The following MYOM2 variants were observed in gnomAD, a reference collection of about 807,000 sequenced individuals.
MYOM2 encodes myomesin-2.
MYOM2 carries 254 observed loss-of-function variants against 187.6 expected under a neutral mutation model. The ratio of observed to expected loss-of-function variants is 1.35; its 90% CI spans 1.22 to 1.50. The LOEUF is 1.50. MYOM2 is among the 40% of genes most tolerant of loss of function. MYOM2 has a pLI of 0.00. For missense variants in MYOM2, 2,796 were observed against 1,924.0 expected, an observed-to-expected ratio of 1.45 and a Z score of -8.48; for synonymous variants, 981 against 753.8, an observed-to-expected ratio of 1.30 and a Z score of -4.94.
chr8:2,123,872 C>G (rs1229035833), intron 30 of MYOM2, among the ~76,000 whole-genome samples: 1 of 152,174 alleles, frequency 6.6e-6, no homozygotes, highest in Non-Finnish European at 1.5e-5. Context: ...TCATTTCGGT[C>G]CATCATCAGA....
intron 21 of MYOM2, among the ~76,000 whole-genome samples, chr8:2,103,694 T>C (rs562529901): frequency 1.3e-5 from 2 of 149,158 alleles, no homozygotes; most frequent in African/African-American, 5.0e-5. Context: ...GATAAATGAG[T>C]GGGAGAGTGT....
At chr8:2,059,742 C>CT (rs60345808) in intron 6 of MYOM2, among the ~76,000 whole-genome samples, 93,277 of 131,060 alleles carry the variant, frequency 0.71, 34,081 homozygotes, top group East Asian at 0.95. Flanking sequence ...GACACACACA[C>CT]TTTTTTTTTT....
chr8:2,087,356 GACTCCAGCATGGAGGAGGACCCTC>G (rs1410020137), intron 14 of MYOM2, among the ~76,000 whole-genome samples: 2 of 152,164 alleles, frequency 1.3e-5, no homozygotes, highest in Non-Finnish European at 2.9e-5. Flanking sequence ...CCATATTTCA[GACTCCAGCATGGAGGAGGACCCTC>G]TGGCCTTCTC....
intron 19 of MYOM2, among the ~76,000 whole-genome samples, chr8:2,100,042 T>G (rs1796632142): frequency 8.3e-6 from 1 of 120,756 alleles, no homozygotes; most frequent in Admixed American, 7.9e-5. Context: ...CTTTCCTTCC[T>G]TCCTTCTTTC....
rs759735305 is a variant in MYOM2, at chr8:2,065,862, A to C, written c.654-3416A>C. Among the ~76,000 whole-genome samples, 12 of 152,054 alleles carry C rather than the reference A, an allele frequency of 7.9e-5. No individual in the cohort carries two copies. In the South Asian group the frequency reaches 1.0e-3, roughly 13 times the overall value. ...TGCCTGACAGGTGTGTGATGAGCTG[A>C]GTCTACACTGACACCACAGTTTAAA... On this transcript the variant is annotated intron_variant, in intron 6 of 36. Coordinates refer to ENST00000262113, the MANE Select transcript of MYOM2 (RefSeq NM_003970.4).
chr8:2,106,237 T>A lies in MYOM2; in HGVS notation c.2735-5T>A. 6.2e-7 allele frequency: 1 copy of A among 1,613,922 alleles called. No individual in the cohort carries two copies. Among genetic ancestry groups the A allele is most frequent in the African/African-American group, 1.3e-5 (1 of 75,040 alleles). ...AGCCGCTCACTTCATACTCTTCTTA[T>A]GCAGGCACCAAGGAAATCAGTGCTG... On this transcript the variant is annotated splice_region_variant and splice_polypyrimidine_tract_variant and intron_variant, in intron 21 of 36. Transcript: ENST00000262113.
intron 18 of MYOM2, chr8:2,098,018 A>T (rs772509888): frequency 6.6e-6 from 1 of 151,772 alleles, no homozygotes; most frequent in Non-Finnish European, 1.5e-5. Flanking sequence ...CAGATTCCAC[A>T]TCTGAGCGAG....
At position 2,129,136 on chromosome 8, in the gene MYOM2, C is replaced by A; in HGVS notation, c.3704C>A (p.Ala1235Asp). Residue 1235 changes from alanine (A) to aspartate (D), a missense_variant, in exon 32 of 37, where the codon GCT becomes GAT. By Grantham distance (126) the Ala-to-Asp change is moderately radical (BLOSUM62 -2). Coordinates refer to ENST00000262113, the MANE Select transcript of MYOM2 (RefSeq NM_003970.4). ...LAMSRVCGKS[A>D]SPLKVLCTPE... Reference sequence around the variant, plus strand: ...GTTTTATTTTCTGCAGGGAAATCTGCTTCGCCACTGAAGGTACTCTGCACC... The same window carrying A: ...GTTTTATTTTCTGCAGGGAAATCTGATTCGCCACTGAAGGTACTCTGCACC... The A allele has an allele frequency of 6.2e-7, 1 of 1,603,332 alleles. No homozygotes were observed. The highest frequency in any genetic ancestry group is 8.5e-7 in the Non-Finnish European group (1 of 1,170,964).
At position 2,111,178 on chromosome 8, in the gene MYOM2, T is replaced by C. The variant is rs1389627269; in HGVS notation, c.3180+1647T>C. ...TTTCAGGATGGGTGCCCTGGCTTCA[T>C]GGCTAATCTTTTGGAATATGGTTGT... On this transcript the variant is annotated intron_variant, in intron 25 of 36. Coordinates refer to ENST00000262113, the MANE Select transcript of MYOM2 (RefSeq NM_003970.4). 2.6e-5 allele frequency among the ~76,000 whole-genome samples: 4 copies of C among 152,354 alleles called. No individual in the cohort carries two copies. The East Asian group carries it at 5.8e-4, about 22-fold the overall frequency.
intron 18 of MYOM2, 49 bp downstream of exon 18, chr8:2,096,483 A>G: frequency 6.4e-7 from 1 of 1,574,108 alleles, no homozygotes; most frequent in East Asian, 2.3e-5. Context: ...GTGGTTCTTT[A>G]CATTTTTGGC....
intron 11 of MYOM2, 60 bp downstream of exon 11, chr8:2,076,342 A>G (rs1819420682): frequency 6.4e-7 from 1 of 1,573,678 alleles, no homozygotes; most frequent in Non-Finnish European, 8.6e-7. Context: ...TACCATGGAC[A>G]ATATATTGAG....
rs202119317 is a variant in MYOM2, at chr8:2,090,043, C to T, written c.1680C>T (p.Asn560=). 3.3e-5 allele frequency: 53 copies of T among 1,613,848 alleles called. No individual in the cohort carries two copies. Among genetic ancestry groups the T allele is most frequent in the South Asian group, 1.1e-4 (10 of 91,064 alleles). ...GGAGCGGCAGCTGGCAGAGAGTCAA[C>T]GCCCAGACGGCTGTGAGATCCCCGA... ...VVGSGSWQRV[N]AQTAVRSPRY... The change falls in exon 15 of 37, where the codon AAC becomes AAT. Residue 560 remains asparagine (N), a synonymous_variant. Coordinates refer to ENST00000262113, the MANE Select transcript of MYOM2 (RefSeq NM_003970.4).
At chr8:2,106,831 A>G (rs551658405) in intron 23 of MYOM2, among the ~76,000 whole-genome samples, 5 of 152,254 alleles carry the variant, frequency 3.3e-5, no homozygotes, top group African/African-American at 1.2e-4. Flanking sequence ...TATAGCCTTC[A>G]ATTTGTACTT....
chr8:2,128,493 C>T (rs959187265), intron 31 of MYOM2, among the ~76,000 whole-genome samples: 3 of 152,248 alleles, frequency 2.0e-5, no homozygotes, highest in African/African-American at 4.8e-5. Flanking sequence ...TTCAGAGCTT[C>T]TGCCTTCATC....
chr8:2,111,000 G>T lies in MYOM2; in HGVS notation c.3180+1469G>T, dbSNP rs577698670. On this transcript the variant is annotated intron_variant, in intron 25 of 36. Coordinates refer to ENST00000262113, the MANE Select transcript of MYOM2 (RefSeq NM_003970.4). ...CAAAAAAGCCAGTGGTATAACTATT[G>T]CCTATGGGAGACTTACTGTCTGATC... 2.0e-5 allele frequency among the ~76,000 whole-genome samples: 3 copies of T among 152,306 alleles called. No homozygotes were observed. In the South Asian group the frequency reaches 6.2e-4, roughly 32 times the overall value.
chr8:2,116,140 A>T, intron 26 of MYOM2, 36 bp downstream of exon 26: 1 of 1,604,808 alleles, frequency 6.2e-7, no homozygotes, highest in Non-Finnish European at 8.5e-7. Flanking sequence ...TCCATACAAG[A>T]TAATTCAAAT....
At chr8:2,114,269 G>C (rs996332807) in intron 25 of MYOM2, among the ~76,000 whole-genome samples, 3 of 152,218 alleles carry the variant, frequency 2.0e-5, no homozygotes, top group African/African-American at 7.2e-5. Flanking sequence ...GAGGCAGGTA[G>C]TCCAGGCTTC....
At chr8:2,110,397 A>C (rs1797029505) in intron 25 of MYOM2, among the ~76,000 whole-genome samples, 1 of 152,214 alleles carries the variant, frequency 6.6e-6, no homozygotes, top group Admixed American at 6.5e-5. Flanking sequence ...GATTGTATAA[A>C]ATGAACCTTA....
chr8:2,050,776 G>A lies in MYOM2; in HGVS notation c.10G>A (p.Val4Met), dbSNP rs1418382437. The A allele has an allele frequency of 6.2e-7, 1 of 1,612,076 alleles. No individual in the cohort carries two copies. The highest frequency in any genetic ancestry group is 1.1e-5 in the South Asian group (1 of 91,016). MSL[V>M]TVPFYQKRHR... is the part of the protein sequence containing the mutation. ...GTAGGAGCACGCCAAGATGTCCCTT[G>A]TGACTGTCCCCTTCTACCAGAAGAG... Residue 4 changes from valine (V) to methionine (M), a missense_variant, in exon 2 of 37, where the codon GTG (valine) becomes ATG (methionine). Coordinates refer to ENST00000262113, the MANE Select transcript of MYOM2 (RefSeq NM_003970.4).
Sources: allele counts gnomAD v4.1 joint callset (sites outside exome capture counted in the v4.1 genomes callset), GRCh38; gene constraint gnomAD v4.1.1; transcripts MANE v1.5; gene names NCBI Gene and HGNC (gene_info 2026-07-23, HGNC 2026-07-21).